Variants in ARID5B observed in about 807,000 individuals in gnomAD.
ARID5B encodes AT-rich interactive domain-containing protein 5B.
Under a neutral mutation model 97.2 loss-of-function variants are expected in ARID5B, and 13 were observed. The ratio of observed to expected loss-of-function variants is 0.13; its 90% confidence interval spans 0.09 to 0.21. The LOEUF is 0.21. Ranked by LOEUF, ARID5B falls within the 10% of genes least tolerant of loss-of-function variation. The pLI, the probability that ARID5B is intolerant of heterozygous loss-of-function variation, is 1.00. For missense variants in ARID5B, 1,210 were observed against 1,465.3 expected (o/e 0.83, Z 2.84); for synonymous variants, 556 against 570.3 (o/e 0.97, Z 0.36).
chr10:62,035,041 G>A (rs547611107), intron 4 of ARID5B, among the ~76,000 whole-genome samples: 6 of 152,314 alleles, frequency 3.9e-5, no homozygotes, highest in African/African-American at 1.4e-4. Flanking sequence ...GACAAGGTGG[G>A]TTTCTGTTAG....
At chr10:61,994,327 G>A (rs1297195759) in intron 3 of ARID5B, among the ~76,000 whole-genome samples, 2 of 151,984 alleles carry the variant, frequency 1.3e-5, no homozygotes, top group East Asian at 3.8e-4. Flanking sequence ...ATAGTGTGAT[G>A]TTTCCGAAAC....
At chr10:61,975,247 G>C (rs1838683089) in intron 3 of ARID5B, among the ~76,000 whole-genome samples, 1 of 152,230 alleles carries the variant, frequency 6.6e-6, no homozygotes, top group East Asian at 1.9e-4. Context: ...TGTTTCTGGA[G>C]CCTCTGGTTA....
At chr10:61,995,546 C>T (rs995052694) in intron 3 of ARID5B, among the ~76,000 whole-genome samples, 3 of 152,020 alleles carry the variant, frequency 2.0e-5, no homozygotes, top group African/African-American at 7.2e-5. Flanking sequence ...GTTTTAGGAT[C>T]ACAGAATTTT....
chr10:61,916,885 A>T (rs376618259), intron 2 of ARID5B, among the ~76,000 whole-genome samples: 1 of 152,198 alleles, frequency 6.6e-6, no homozygotes, highest in Non-Finnish European at 1.5e-5. Context: ...ACAGAGGCAC[A>T]GGTGTAAGTG....
chr10:62,029,841 G>T (rs1306150737), intron 4 of ARID5B, among the ~76,000 whole-genome samples: 1 of 152,220 alleles, frequency 6.6e-6, no homozygotes, highest in African/African-American at 2.4e-5. Context: ...AACAAAGTGT[G>T]AGGAAAACAC....
intron 3 of ARID5B, among the ~76,000 whole-genome samples, chr10:61,984,712 A>G (rs749198965): frequency 6.6e-5 from 10 of 152,234 alleles, no homozygotes; most frequent in Non-Finnish European, 1.3e-4. Flanking sequence ...TCAGGATTTA[A>G]TAGAAAACCC....
chr10:61,926,998 A>T (rs1844118438), intron 2 of ARID5B, among the ~76,000 whole-genome samples: 1 of 152,122 alleles, frequency 6.6e-6, no homozygotes, highest in Non-Finnish European at 1.5e-5. Context: ...AACCACAATG[A>T]CTTTTACAGC....
chr10:61,952,387 C>A (rs1192127594), intron 3 of ARID5B, among the ~76,000 whole-genome samples: 1 of 152,240 alleles, frequency 6.6e-6, no homozygotes, highest in Non-Finnish European at 1.5e-5. Flanking sequence ...TTTAGTGTCT[C>A]TACCACCTTA....
intron 4 of ARID5B, among the ~76,000 whole-genome samples, chr10:62,040,154 C>T (rs1839617154): frequency 6.6e-6 from 1 of 152,146 alleles, no homozygotes; most frequent in African/African-American, 2.4e-5. Context: ...CTCTCTCTCT[C>T]TTTCTGTCTC....
chr10:62,001,210 G>A lies in ARID5B; in HGVS notation c.733+889G>A, dbSNP rs569980598. The stretch of plus-strand genomic sequence containing the variant: ...GGGCAGGGATGTCAGAATACCCTGG[G>A]GTAGCCTTATCAAACTGCTTGTGTT... On this transcript the variant is annotated intron_variant, in intron 4 of 9. Coordinates refer to ENST00000279873, the MANE Select transcript of ARID5B (RefSeq NM_032199.3). Among the ~76,000 whole-genome samples, 10 of 151,994 alleles carry A rather than the reference G, an allele frequency of 6.6e-5. No homozygotes were observed. In the South Asian group the frequency reaches 1.9e-3, roughly 28 times the overall value.
intron 6 of ARID5B, 132 bp downstream of exon 6, chr10:62,057,450 A>G (rs1034381181): frequency 2.1e-6 from 2 of 955,764 alleles, no homozygotes; most frequent in South Asian, 3.5e-5. Context: ...TACTAAATCC[A>G]TAAATGTTCC....
chr10:62,039,147 G>A (rs1347684313), intron 4 of ARID5B, among the ~76,000 whole-genome samples: 1 of 152,200 alleles, frequency 6.6e-6, no homozygotes, highest in Non-Finnish European at 1.5e-5. Context: ...TGCATACCAT[G>A]TGCTATAAAA....
At position 62,092,484 on chromosome 10, in the gene ARID5B, G is replaced by A. The variant is rs748858778; in HGVS notation, c.3021G>A (p.Gly1007=). 6 of 1,614,156 alleles carry A rather than the reference G, an allele frequency of 3.7e-6. No individual in the cohort carries two copies. The highest frequency in any genetic ancestry group is 3.3e-5 in the South Asian group (3 of 91,084). The change falls in exon 10 of 10, where the codon GGG becomes GGA. Residue 1007 remains glycine (G), a synonymous_variant. Coordinates refer to ENST00000279873, the MANE Select transcript of ARID5B (RefSeq NM_032199.3). The part of the protein sequence containing the change: ...LHRKMSPQNI[G]AARPIKRSLE... ...GGAAAATGAGCCCGCAGAACATTGG[G>A]GCGGCGCGGCCGATCAAGCGCAGCC...
intron 9 of ARID5B, among the ~76,000 whole-genome samples, chr10:62,086,700 A>AC (rs1840287203): frequency 7.7e-6 from 1 of 129,548 alleles, no homozygotes; most frequent in African/African-American, 3.0e-5. Flanking sequence ...CAAAAAAAAA[A>AC]AAAAAAAAAA....
chr10:61,924,659 A>G (rs1352332057), intron 2 of ARID5B, among the ~76,000 whole-genome samples: 1 of 152,220 alleles, frequency 6.6e-6, no homozygotes, highest in East Asian at 1.9e-4. Context: ...TACAGAAAAC[A>G]GGAAGATTTA....
intron 3 of ARID5B, among the ~76,000 whole-genome samples, chr10:61,950,216 C>A (rs549993753): frequency 6.6e-6 from 1 of 152,306 alleles, no homozygotes; most frequent in East Asian, 1.9e-4. Context: ...CCATGTTGGC[C>A]AGGGTGATCT....
intron 4 of ARID5B, chr10:62,049,574 A>C: frequency 6.6e-7 from 1 of 1,516,644 alleles, no homozygotes; most frequent in Non-Finnish European, 9.0e-7. Flanking sequence ...GGACTTTCAG[A>C]CCAGCGTTTA....
intron 3 of ARID5B, among the ~76,000 whole-genome samples, chr10:61,998,195 A>G (rs917194664): frequency 6.6e-6 from 1 of 152,196 alleles, no homozygotes; most frequent in Non-Finnish European, 1.5e-5. Context: ...TTGGCCTCCT[A>G]TCTGAAAAGG....
intron 2 of ARID5B, among the ~76,000 whole-genome samples, chr10:61,910,974 G>A (rs2132758168): frequency 6.6e-6 from 1 of 152,250 alleles, no homozygotes; most frequent in East Asian, 1.9e-4. Context: ...GGCGGCAAAG[G>A]CCAAATGTTG....
Sources: gnomAD v4.1 joint callset for allele counts (sites outside exome capture counted in the v4.1 genomes callset) on GRCh38, gnomAD v4.1.1 for gene constraint, MANE v1.5 for transcripts, NCBI Gene and HGNC (gene_info 2026-07-23, HGNC 2026-07-21) for gene names.